Variants in PTPN21 observed in about 807,000 individuals in gnomAD.
The protein encoded by PTPN21 is protein tyrosine phosphatase non-receptor type 21, also known as tyrosine-protein phosphatase non-receptor type 21.
A neutral mutation model predicts 131.8 loss-of-function variants in PTPN21; 77 were observed. The ratio of observed to expected loss-of-function variants is 0.58; its 90% confidence interval spans 0.49 to 0.71. The LOEUF (loss-of-function observed/expected upper bound fraction) is 0.71. PTPN21 is among the 30% of genes least tolerant of loss of function. The pLI is 0.00. For missense variants in PTPN21, 1,552 were observed against 1,527.1 expected, an observed-to-expected ratio of 1.02 and a Z score of -0.27; for synonymous variants, 715 against 621.3, an observed-to-expected ratio of 1.15 and a Z score of -2.24.
intron 2 of PTPN21, among the ~76,000 whole-genome samples, chr14:88,549,069 A>C (rs917229514): frequency 1.3e-5 from 2 of 152,236 alleles, no homozygotes; most frequent in Admixed American, 1.3e-4. Flanking sequence ...AACTGAGTTC[A>C]GGCAGTATGT....
At chr14:88,505,737 G>A (rs149280304) in intron 4 of PTPN21, among the ~76,000 whole-genome samples, 1 of 152,216 alleles carries the variant, frequency 6.6e-6, no homozygotes. Flanking sequence ...GACCTCTGGG[G>A]AATAGACTTA....
chr14:88,544,356 A>C (rs185051167), intron 2 of PTPN21, among the ~76,000 whole-genome samples: 1 of 151,538 alleles, frequency 6.6e-6, no homozygotes, highest in Non-Finnish European at 1.5e-5. Flanking sequence ...ACCAAAAAAA[A>C]AGAAAAGAAA....
intron 13 of PTPN21, among the ~76,000 whole-genome samples, chr14:88,475,769 T>C (rs2077540468): frequency 6.6e-6 from 1 of 152,204 alleles, no homozygotes; most frequent in South Asian, 2.1e-4. Context: ...AGTCGGCTCT[T>C]GCTAGTCAAT....
At chr14:88,472,541 C>A (rs2077487974) in intron 14 of PTPN21, 76 bp from the exon 15 acceptor site, 1 of 930,088 alleles carries the variant, frequency 1.1e-6, no homozygotes, top group African/African-American at 1.7e-5. Context: ...TATTTGAAAT[C>A]TTGTTTTCTG....
At position 88,521,424 on chromosome 14, in the gene PTPN21, C is replaced by T. The variant is rs540105472; in HGVS notation, c.181-4163G>A. On this transcript the variant is annotated intron_variant, in intron 2 of 18. Transcript: ENST00000556564. ...CAGCAGGTCATTTTTTTTTTTGAGA[C>T]GGAGTTTCACTCTTGTTGCCCAGGC... 6.0e-5 allele frequency among the ~76,000 whole-genome samples: 9 copies of T among 151,124 alleles called. No individual in the cohort carries two copies. In the South Asian group the frequency reaches 1.0e-3, roughly 18 times the overall value.
intron 2 of PTPN21, among the ~76,000 whole-genome samples, chr14:88,548,042 T>A (rs114130040): frequency 6.6e-6 from 1 of 152,176 alleles, no homozygotes; most frequent in African/African-American, 2.4e-5. Flanking sequence ...CTCTCTGTTA[T>A]AGCCCCACCA....
chr14:88,499,766 A>G (rs2077981307), intron 8 of PTPN21, among the ~76,000 whole-genome samples: 1 of 152,220 alleles, frequency 6.6e-6, no homozygotes, highest in Non-Finnish European at 1.5e-5. Context: ...TGCCTTATAA[A>G]AACAATATAA....
At chr14:88,520,242 A>C (rs2078368680) in intron 2 of PTPN21, among the ~76,000 whole-genome samples, 1 of 152,064 alleles carries the variant, frequency 6.6e-6, no homozygotes, top group Non-Finnish European at 1.5e-5. Context: ...ATGGCGAAAC[A>C]CTGTCTGTGT....
At chr14:88,489,236 G>A (rs1566820806) in intron 10 of PTPN21, among the ~76,000 whole-genome samples, 1 of 152,168 alleles carries the variant, frequency 6.6e-6, no homozygotes, top group Non-Finnish European at 1.5e-5. Flanking sequence ...ATTTACAGCT[G>A]AGCTTGTATT....
chr14:88,553,550 C>T (rs992391273), intron 1 of PTPN21, among the ~76,000 whole-genome samples: 1 of 151,794 alleles, frequency 6.6e-6, no homozygotes, highest in Admixed American at 6.6e-5. Flanking sequence ...GTGATTGGGT[C>T]TGGAATTATA....
intron 15 of PTPN21, 167 bp from the exon 16 acceptor site, chr14:88,470,217 C>G (rs2077439169): frequency 3.1e-6 from 2 of 643,762 alleles, no homozygotes; most frequent in Non-Finnish European, 5.2e-6. Flanking sequence ...CATCTTTTCC[C>G]TTGTGAATAC....
At chr14:88,547,728 G>A (rs780927857) in intron 2 of PTPN21, 5 of 450,286 alleles carry the variant, frequency 1.1e-5, no homozygotes, top group Admixed American at 2.4e-5. Flanking sequence ...TTCTTCTTCG[G>A]CAGTTTCATC....
At chr14:88,548,622 C>T (rs978789713) in intron 2 of PTPN21, among the ~76,000 whole-genome samples, 4 of 152,230 alleles carry the variant, frequency 2.6e-5, no homozygotes, top group East Asian at 1.9e-4. Flanking sequence ...TTGGCACTTA[C>T]GCATCTTCAG....
intron 14 of PTPN21, among the ~76,000 whole-genome samples, chr14:88,473,378 C>T (rs1262176174): frequency 6.6e-6 from 1 of 152,094 alleles, no homozygotes; most frequent in African/African-American, 2.4e-5. Flanking sequence ...TAGATTTCTT[C>T]TCACTTTAAG....
At chr14:88,544,029 C>T (rs566015488) in intron 2 of PTPN21, among the ~76,000 whole-genome samples, 3 of 152,154 alleles carry the variant, frequency 2.0e-5, no homozygotes, top group Non-Finnish European at 4.4e-5. Flanking sequence ...GGTTTCACAA[C>T]TTCCCCATAT....
Position 88,497,275 on chromosome 14 carries a change from G to A in PTPN21, c.780C>T (p.Ala260=). The A allele has an allele frequency of 6.2e-7, 1 of 1,613,182 alleles. No individual in the cohort carries two copies. The highest frequency in any genetic ancestry group is 1.1e-5 in the South Asian group (1 of 91,048). ...HPVVFRWHDI[A]NMSHNKSFFA... is the part of the protein sequence containing the mutation. ...AAAAGGACTTGTTGTGGGACATGTT[G>A]GCAATGTCATGCCACCTAAAGAACA... Residue 260 remains alanine (A), a synonymous_variant, in exon 9 of 19, where the codon GCC becomes GCT. Coordinates refer to ENST00000556564, the MANE Select transcript of PTPN21 (RefSeq NM_007039.4).
chr14:88,479,766 G>A lies in PTPN21; in HGVS notation c.1665C>T (p.Pro555=). The change falls in exon 13 of 19, where the codon CCC becomes CCT. Residue 555 remains proline, a synonymous_variant. Transcript: ENST00000556564. ...AQLQAQDYPS[P]NIMRTQVYRP... Reference sequence around the variant, plus strand: ...GGTACACCTGCGTCCGCATGATGTTGGGAGACGGGTAGTCCTGCGCCTGCA... The same window carrying A: ...GGTACACCTGCGTCCGCATGATGTTAGGAGACGGGTAGTCCTGCGCCTGCA... 6.5e-7 allele frequency: 1 copy of A among 1,545,622 alleles called. No individual in the cohort carries two copies. The highest frequency in any genetic ancestry group is 8.7e-7 in the Non-Finnish European group (1 of 1,152,996).
chr14:88,532,462 G>A (rs945619096), intron 2 of PTPN21, among the ~76,000 whole-genome samples: 3 of 152,048 alleles, frequency 2.0e-5, no homozygotes, highest in Admixed American at 6.6e-5. Flanking sequence ...ATTTTGTGCC[G>A]TTTGACAGTT....
intron 1 of PTPN21, chr14:88,552,519 GTTTT>G (rs578140298): frequency 6.6e-6 from 1 of 152,030 alleles, no homozygotes; most frequent in Non-Finnish European, 1.5e-5. Flanking sequence ...TATCTGGCTA[GTTTT>G]TTTGTTTGTT....
Sources: allele counts gnomAD v4.1 joint callset (sites outside exome capture counted in the v4.1 genomes callset), GRCh38; gene constraint gnomAD v4.1.1; transcripts MANE v1.5; gene names NCBI Gene and HGNC (gene_info 2026-07-23, HGNC 2026-07-21).